SLC4A7: variants seen among roughly 807,000 people sequenced by gnomAD.
SLC4A7 encodes the protein solute carrier family 4 member 7, also known as sodium bicarbonate cotransporter 3.
A neutral mutation model predicts 137.6 loss-of-function variants in SLC4A7; 51 were observed. That is an observed-to-expected ratio of 0.37 (90% confidence interval 0.30 to 0.47). The LOEUF (loss-of-function observed/expected upper bound fraction) is 0.47. Ranked by LOEUF, SLC4A7 falls within the 20% of genes least tolerant of loss-of-function variation. SLC4A7 has a pLI of 1.00. For missense variants in SLC4A7, 1,247 were observed against 1,525.4 expected (o/e 0.82, Z 3.04); for synonymous variants, 542 against 518.6 (o/e 1.05, Z -0.61).
At chr3:27,444,832 T>A (rs996855237) in intron 3 of SLC4A7, among the ~76,000 whole-genome samples, 5 of 152,234 alleles carry the variant, frequency 3.3e-5, no homozygotes, top group Admixed American at 3.3e-4. Flanking sequence ...CCTGCTTCTT[T>A]ATATCCCTGA....
intron 1 of SLC4A7, among the ~76,000 whole-genome samples, chr3:27,461,622 A>T (rs1457906734): frequency 2.7e-4 from 41 of 151,512 alleles, no homozygotes; most frequent in African/African-American, 9.9e-4. Context: ...AAAAAAAAAA[A>T]AGAATAAATA....
chr3:27,384,883 G>A (rs1284762136), intron 23 of SLC4A7, among the ~76,000 whole-genome samples: 2 of 152,056 alleles, frequency 1.3e-5, no homozygotes, highest in African/African-American at 4.8e-5. Flanking sequence ...GGTGGTTGCA[G>A]TGAGCCGAGA....
intron 1 of SLC4A7, among the ~76,000 whole-genome samples, chr3:27,459,274 G>A (rs1012412178): frequency 8.0e-4 from 122 of 152,184 alleles, no homozygotes; most frequent in African/African-American, 2.3e-3. Context: ...ACCAAAATAC[G>A]AAAGACACAC....
At chr3:27,465,357 T>C (rs1043354720) in intron 1 of SLC4A7, among the ~76,000 whole-genome samples, 2 of 146,912 alleles carry the variant, frequency 1.4e-5, no homozygotes, top group African/African-American at 5.0e-5. Flanking sequence ...ACAACTTTAA[T>C]AAAAAAGCAA....
At chr3:27,392,344 A>G (rs994882486) in intron 20 of SLC4A7, among the ~76,000 whole-genome samples, 36 of 152,294 alleles carry the variant, frequency 2.4e-4, no homozygotes, top group Middle Eastern at 3.4e-3. Flanking sequence ...ATCCTGCAAG[A>G]AAGTCTGGCT....
At chr3:27,390,678 A>C (rs1255311372) in intron 21 of SLC4A7, among the ~76,000 whole-genome samples, 1 of 152,214 alleles carries the variant, frequency 6.6e-6, no homozygotes, top group African/African-American at 2.4e-5. Flanking sequence ...TGACCAGTGA[A>C]GAGTAGGTCC....
chr3:27,456,965 A>G (rs1184169969), intron 1 of SLC4A7: 3 of 982,602 alleles, frequency 3.1e-6, no homozygotes, highest in African/African-American at 3.5e-5. Context: ...TCCGTTTTCA[A>G]CTGAAACCTT....
chr3:27,420,636 TA>T, intron 10 of SLC4A7, 63 bp downstream of exon 10: 1 of 972,460 alleles, frequency 1.0e-6, no homozygotes. Flanking sequence ...AACTGTAATC[TA>T]ATATATACTA....
At chr3:27,455,035 C>G (rs2058317791) in intron 1 of SLC4A7, among the ~76,000 whole-genome samples, 2 of 148,988 alleles carry the variant, frequency 1.3e-5, no homozygotes, top group African/African-American at 4.9e-5. Context: ...AGCACATCCT[C>G]TCATGGTCTA....
chr3:27,376,659 G>A lies in SLC4A7; in HGVS notation c.*105C>T. On this transcript the variant is annotated 3_prime_UTR_variant, in exon 26 of 26. Transcript: ENST00000454389. ...AGACACTACTTTTAAAAACCCGGTA[G>A]TCACACATAAACAGCATGACATACA... 1 of 658,520 alleles carries A rather than the reference G, an allele frequency of 1.5e-6. No individual in the cohort carries two copies. Among genetic ancestry groups the A allele is most frequent in the Non-Finnish European group, 2.6e-6 (1 of 385,958 alleles). 40.8% of individuals were successfully genotyped at this position (658,520 alleles called of 1,614,324 possible).
chr3:27,462,288 C>A (rs1018845607), intron 1 of SLC4A7, among the ~76,000 whole-genome samples: 5 of 152,170 alleles, frequency 3.3e-5, no homozygotes, highest in Non-Finnish European at 5.9e-5. Context: ...AATATGACTT[C>A]TGTGTATCTA....
At chr3:27,473,899 T>C (rs2059359040) in intron 1 of SLC4A7, among the ~76,000 whole-genome samples, 1 of 152,098 alleles carries the variant, frequency 6.6e-6, no homozygotes, top group South Asian at 2.1e-4. Context: ...ACTATCACTT[T>C]ACCCAATAAA....
chr3:27,453,675 A>G (rs2058231678), intron 1 of SLC4A7, among the ~76,000 whole-genome samples: 1 of 152,246 alleles, frequency 6.6e-6, no homozygotes, highest in African/African-American at 2.4e-5. Context: ...TCGGTGTCCA[A>G]ATTCTCAGTA....
intron 3 of SLC4A7, among the ~76,000 whole-genome samples, chr3:27,444,155 G>A (rs905713079): frequency 7.9e-5 from 12 of 152,142 alleles, no homozygotes; most frequent in Non-Finnish European, 1.3e-4. Flanking sequence ...TATCAGAGAG[G>A]AGAGCTAAAA....
At position 27,462,973 on chromosome 3, in the gene SLC4A7, G is replaced by GC. The variant is rs574890106; in HGVS notation, c.61-10476dup. 2.8e-4 allele frequency among the ~76,000 whole-genome samples: 43 copies of GC among 152,356 alleles called. 1 individual carries two copies. In the East Asian group the frequency reaches 8.3e-3, roughly 29 times the overall value. ...ACGAGTTACAATTACAAAGTCCCATGCAACAGATGTCGGTAAAATATTAAG... is the reference window on the plus strand; with the variant it reads ...ACGAGTTACAATTACAAAGTCCCATGCCAACAGATGTCGGTAAAATATTAAG... On this transcript the variant is annotated intron_variant, in intron 1 of 25. Transcript: ENST00000454389.
chr3:27,456,739 T>A (rs1308001181), intron 1 of SLC4A7: 13 of 1,597,792 alleles, frequency 8.1e-6, no homozygotes, highest in Non-Finnish European at 1.1e-5. Context: ...CCCTTGAAGA[T>A]TCCAGGGACA....
chr3:27,380,930 G>A (rs1221094628), intron 24 of SLC4A7, among the ~76,000 whole-genome samples: 4 of 152,018 alleles, frequency 2.6e-5, no homozygotes, highest in African/African-American at 9.7e-5. Flanking sequence ...CTATGAAGAA[G>A]GTATATATTT....
At position 27,404,850 on chromosome 3, in the gene SLC4A7, T is replaced by C. The variant is rs2053180999; in HGVS notation, c.2055A>G (p.Lys685=). ...CTTACCTGCAGAATTTATATAAAAT[T>C]TTTTCAAACACTAGAACTGGACCTG... ...GSTGPVLVFE[K]ILYKFCRDYQ... The change falls in exon 14 of 26, where the codon AAA becomes AAG. Residue 685 remains lysine, a synonymous_variant. Coordinates refer to ENST00000454389, the MANE Select transcript of SLC4A7 (RefSeq NM_001321103.2). 1 of 1,604,478 alleles carries C rather than the reference T, an allele frequency of 6.2e-7. No individual in the cohort carries two copies. The highest frequency in any genetic ancestry group is 1.1e-5 in the South Asian group (1 of 89,012).
chr3:27,427,323 T>C (rs992756631), intron 7 of SLC4A7, among the ~76,000 whole-genome samples: 3 of 151,930 alleles, frequency 2.0e-5, no homozygotes, highest in African/African-American at 7.2e-5. Flanking sequence ...ACTTCTTTTT[T>C]TTTTTTTACT....
Sources: gnomAD v4.1 joint callset for allele counts (sites outside exome capture counted in the v4.1 genomes callset) on GRCh38, gnomAD v4.1.1 for gene constraint, MANE v1.5 for transcripts, NCBI Gene and HGNC (gene_info 2026-07-23, HGNC 2026-07-21) for gene names.